The following EDEM3 variants were observed in gnomAD, a reference collection of about 807,000 sequenced individuals.
The protein encoded by EDEM3 is ER degradation enhancing alpha-mannosidase like protein 3.
In EDEM3, 60 loss-of-function variants were observed where a neutral mutation model predicts 110.2. That is an observed-to-expected ratio of 0.54 (90% CI 0.44 to 0.67). The LOEUF is 0.67. EDEM3 is among the 30% of genes least tolerant of loss of function. EDEM3 has a pLI of 0.00. For missense variants in EDEM3, 996 were observed against 1,121.0 expected (o/e 0.89, Z 1.59); for synonymous variants, 352 against 382.9 (o/e 0.92, Z 0.94).
At position 184,702,880 on chromosome 1, in the gene EDEM3, T is replaced by C. The variant is rs369748310; in HGVS notation, c.2320A>G (p.Ile774Val). 2.5e-6 allele frequency: 4 copies of C among 1,613,450 alleles called. No homozygotes were observed. The highest frequency in any genetic ancestry group is 3.4e-6 in the Non-Finnish European group (4 of 1,179,744). ...TATTCCCGGATGGCATCCAGTATGATACTTCCTTCTTTGCTGAATAAGAAC... is the reference window on the plus strand; with the variant it reads ...TATTCCCGGATGGCATCCAGTATGACACTTCCTTCTTTGCTGAATAAGAAC... ...MLFLFSKEGS[I>V]ILDAIREYEE... The change falls in exon 19 of 20, where the codon ATC becomes GTC. Residue 774 changes from isoleucine (I) to valine (V), a missense_variant. Physicochemically the swap from Ile to Val is conservative, Grantham distance 29. Coordinates refer to ENST00000318130, the MANE Select transcript of EDEM3 (RefSeq NM_025191.4).
intron 15 of EDEM3, among the ~76,000 whole-genome samples, chr1:184,710,857 A>T (rs983093194): frequency 6.6e-6 from 1 of 152,210 alleles, no homozygotes; most frequent in African/African-American, 2.4e-5. Context: ...GTTATCCTTT[A>T]AAAACACAGA....
intron 6 of EDEM3, among the ~76,000 whole-genome samples, chr1:184,729,524 T>C (rs1297070119): frequency 6.6e-6 from 1 of 152,236 alleles, no homozygotes; most frequent in Non-Finnish European, 1.5e-5. Context: ...CTAAAGTTTA[T>C]ATATGAGTTT....
Position 184,754,791 on chromosome 1 carries a change from C to T in EDEM3, c.-145G>A, listed in dbSNP as rs147086695. On this transcript the variant is annotated 5_prime_UTR_variant, in exon 1 of 20. Transcript: ENST00000318130. ...GACGGCCGCCGGCGCCAAACTGTTT[C>T]CCGAAGCCACCAAGCCGGTCCCCAG... 418 of 1,300,366 alleles carry T rather than the reference C, an allele frequency of 3.2e-4. 2 individuals are homozygous for T. The African/African-American group carries it at 6.2e-3, about 19-fold the overall frequency. The allele number at this position is 1,300,366 out of a possible 1,614,324, so 80.6% of individuals were successfully genotyped here. A position where few individuals can be genotyped will look rare whatever the true frequency, so the allele number is the denominator to read the frequency against.
intron 2 of EDEM3, among the ~76,000 whole-genome samples, chr1:184,749,307 T>C (rs1652618796): frequency 6.6e-6 from 1 of 152,198 alleles, no homozygotes; most frequent in Non-Finnish European, 1.5e-5. Flanking sequence ...TAATTGTTGA[T>C]GGCACCCAAG....
Position 184,716,915 on chromosome 1 carries a change from T to A in EDEM3, c.1343A>T (p.Asp448Val). 1.2e-6 allele frequency: 2 copies of A among 1,613,438 alleles called. No homozygotes were observed. The highest frequency in any genetic ancestry group is 1.7e-6 in the Non-Finnish European group (2 of 1,179,450). The change falls in exon 13 of 20, where the codon GAT (aspartate) becomes GTT (valine). Residue 448 changes from aspartate (D) to valine (V), a missense_variant. Asp to Val is a radical substitution (Grantham distance 152). This residue lies in a region of EDEM3 where 310 missense variants were observed against 394.6 expected (regional missense o/e 0.79). Transcript: ENST00000318130. Reference sequence around the variant, plus strand: ...GTCCTCATGACTTCCAGTACGAACATCCTTCATGGCAGCAAATCCGCAAGG... The same window carrying A: ...GTCCTCATGACTTCCAGTACGAACAACCTTCATGGCAGCAAATCCGCAAGG... ...RVPCGFAAMKDVRTGSHEDRM... is the reference protein window; with the variant it reads ...RVPCGFAAMKVVRTGSHEDRM...
intron 18 of EDEM3, among the ~76,000 whole-genome samples, chr1:184,703,696 C>T (rs1649755617): frequency 6.6e-6 from 1 of 152,200 alleles, no homozygotes; most frequent in South Asian, 2.1e-4. Flanking sequence ...AACTATCTGT[C>T]CTGTCTCAGG....
chr1:184,753,316 CCTT>C (rs889834880), intron 1 of EDEM3, among the ~76,000 whole-genome samples: 3 of 151,418 alleles, frequency 2.0e-5, no homozygotes, highest in Admixed American at 2.0e-4. Context: ...TGACGTACTT[CCTT>C]CTTCTTAATG....
chr1:184,730,074 T>A (rs943679330), intron 6 of EDEM3, among the ~76,000 whole-genome samples: 5 of 152,200 alleles, frequency 3.3e-5, no homozygotes, highest in African/African-American at 1.2e-4. Flanking sequence ...TTTTTCCTCA[T>A]TAAGTTGGCA....
At chr1:184,746,777 G>C (rs1267365702) in intron 2 of EDEM3, among the ~76,000 whole-genome samples, 1 of 152,092 alleles carries the variant, frequency 6.6e-6, no homozygotes, top group South Asian at 2.1e-4. Flanking sequence ...TAAAGGAATT[G>C]TTCTACTGTA....
chr1:184,699,010 T>C (rs903151060), intron 19 of EDEM3, among the ~76,000 whole-genome samples: 5 of 151,774 alleles, frequency 3.3e-5, no homozygotes, highest in African/African-American at 9.7e-5. Context: ...GTATGTGAGA[T>C]CAAAGTCGTA....
At chr1:184,726,415 T>C in intron 6 of EDEM3, 26 bp from the exon 7 acceptor site, 1 of 1,608,378 alleles carries the variant, frequency 6.2e-7, no homozygotes, top group African/African-American at 1.3e-5. Flanking sequence ...AAATTGTCAT[T>C]AGCAGTTATC....
intron 8 of EDEM3, among the ~76,000 whole-genome samples, chr1:184,722,287 T>C (rs769716546): frequency 1.7e-4 from 26 of 152,008 alleles, no homozygotes; most frequent in Non-Finnish European, 3.4e-4. Context: ...TAAATCTTCA[T>C]TTTTAAATGA....
At chr1:184,725,853 A>G (rs148251610) in intron 7 of EDEM3, among the ~76,000 whole-genome samples, 1 of 152,216 alleles carries the variant, frequency 6.6e-6, no homozygotes, top group African/African-American at 2.4e-5. Context: ...TAAGAACAAA[A>G]ATTTCACTGT....
Position 184,694,023 on chromosome 1 carries a change from C to T in EDEM3, c.*40G>A. On this transcript the variant is annotated 3_prime_UTR_variant, in exon 20 of 20. Transcript: ENST00000318130. Reference sequence around the variant, plus strand: ...TGTCTATTAACCACACACAGTTTACCTTTTCTTTTTAAATACCTACCAACA... The same window carrying T: ...TGTCTATTAACCACACACAGTTTACTTTTTCTTTTTAAATACCTACCAACA... The T allele has an allele frequency of 6.3e-7, 1 of 1,576,096 alleles. No individual in the cohort carries two copies. Among genetic ancestry groups the T allele is most frequent in the Non-Finnish European group, 8.6e-7 (1 of 1,161,816 alleles).
chr1:184,752,324 G>C (rs941083926), intron 1 of EDEM3, among the ~76,000 whole-genome samples: 2 of 152,078 alleles, frequency 1.3e-5, no homozygotes, highest in African/African-American at 4.8e-5. Context: ...GAGGGAAAGG[G>C]GTGGGGCATT....
At position 184,690,558 on chromosome 1, in the gene EDEM3, A is replaced by G. The variant is rs549938679; in HGVS notation, c.*3505T>C. The G allele has an allele frequency of 1.4e-4, 22 of 152,754 alleles. No homozygotes were observed. Among genetic ancestry groups the G allele is most frequent in the Admixed American group, 9.8e-4 (15 of 15,296 alleles). The allele number at this position is 152,754 out of a possible 1,614,324, so 9.5% of individuals were successfully genotyped here. ...ACAATCAGTAATTATAATCAAATAC[A>G]TAATTATATACAGGATTATATACAT... On this transcript the variant is annotated 3_prime_UTR_variant, in exon 20 of 20. Transcript: ENST00000318130.
At position 184,701,594 on chromosome 1, in the gene EDEM3, T is replaced by TA. The variant is rs747190737; in HGVS notation, c.2389+1216dup. ...ATAGGGGGAAAAAAAGCAAATGCAT[T>TA]AAAGAGTTACAAGAAATAATAATTT... On this transcript the variant is annotated intron_variant, in intron 19 of 19. Coordinates refer to ENST00000318130, the MANE Select transcript of EDEM3 (RefSeq NM_025191.4). 3 of 1,185,186 alleles carry TA rather than the reference T, an allele frequency of 2.5e-6. No homozygotes were observed. In the South Asian group the frequency reaches 4.0e-5, roughly 16 times the overall value. 73.4% of individuals were successfully genotyped at this position (1,185,186 alleles called of 1,614,324 possible).
chr1:184,699,474 G>A (rs887813421), intron 19 of EDEM3, among the ~76,000 whole-genome samples: 12 of 151,904 alleles, frequency 7.9e-5, no homozygotes, highest in Non-Finnish European at 1.2e-4. Flanking sequence ...ATGGAGAAGG[G>A]AAGGTTAAGT....
chr1:184,696,775 T>G (rs532269433), intron 19 of EDEM3, among the ~76,000 whole-genome samples: 9 of 151,834 alleles, frequency 5.9e-5, no homozygotes, highest in Non-Finnish European at 1.3e-4. Flanking sequence ...AAAAGAAAAA[T>G]CTCCAAGTTT....
Sources: gnomAD v4.1 joint callset for allele counts (sites outside exome capture counted in the v4.1 genomes callset) on GRCh38, gnomAD v4.1.1 for gene constraint, gnomAD v4.1.1 regional missense constraint, MANE v1.5 for transcripts, NCBI Gene and HGNC (gene_info 2026-07-23, HGNC 2026-07-21) for gene names.